The following PP2D1 variants were observed in gnomAD, a reference collection of about 807,000 sequenced individuals.
The protein encoded by PP2D1 is protein phosphatase 2C-like domain-containing protein 1.
Under a neutral mutation model 30.2 loss-of-function variants are expected in PP2D1, and 25 were observed. That is an observed-to-expected ratio of 0.83 (90% confidence interval 0.60 to 1.16). The LOEUF is 1.16. PP2D1 is among the 50% of genes most tolerant of loss of function. The pLI is 0.00. For synonymous variants in PP2D1, 260 were observed against 258.9 expected, an observed-to-expected ratio of 1.00 and a Z score of -0.04; for missense variants, 760 against 742.4, an observed-to-expected ratio of 1.02 and a Z score of -0.28.
Position 20,001,545 on chromosome 3 carries a change from A to G in PP2D1, c.575T>C (p.Val192Ala). Reference sequence around the variant, plus strand: ...ATTAGGTTTGTTACCAAAATTACTCACTACAGTGAATTTATCATTCATGTC... The same window carrying G: ...ATTAGGTTTGTTACCAAAATTACTCGCTACAGTGAATTTATCATTCATGTC... Reference protein sequence around the residue: ...KADMNDKFTVVSNFGNKPNVC... With the variant: ...KADMNDKFTVASNFGNKPNVC... The change falls in exon 2 of 3, where the codon GTG becomes GCG. Residue 192 changes from valine (V) to alanine (A), a missense_variant. By Grantham distance (64) the Val-to-Ala change is moderately conservative. Transcript: ENST00000389050. The G allele has an allele frequency of 6.5e-7, 1 of 1,536,222 alleles. No homozygotes were observed. Among genetic ancestry groups the G allele is most frequent in the Non-Finnish European group, 8.7e-7 (1 of 1,146,936 alleles).
At chr3:20,011,269 A>G (rs899344839) in intron 1 of PP2D1, among the ~76,000 whole-genome samples, 1 of 152,306 alleles carries the variant, frequency 6.6e-6, no homozygotes, top group East Asian at 1.9e-4. Flanking sequence ...ATATATAAAA[A>G]TATTTTAATT....
At chr3:19,990,448 C>A (rs564695324) in intron 2 of PP2D1, among the ~76,000 whole-genome samples, 1 of 152,316 alleles carries the variant, frequency 6.6e-6, no homozygotes, top group Non-Finnish European at 1.5e-5. Flanking sequence ...CTGCACCCAG[C>A]AGCACATTGT....
intron 2 of PP2D1, 112 bp from the exon 3 acceptor site, chr3:19,986,294 G>T: frequency 1.3e-6 from 1 of 753,268 alleles, no homozygotes; most frequent in Non-Finnish European, 2.0e-6. Flanking sequence ...ACAGAAAGCA[G>T]GCTATGTAAA....
intron 2 of PP2D1, among the ~76,000 whole-genome samples, chr3:19,994,464 C>G (rs1318973292): frequency 6.6e-6 from 1 of 152,176 alleles, no homozygotes; most frequent in Non-Finnish European, 1.5e-5. Context: ...CACCCCATCT[C>G]TGCAAAACAA....
At chr3:19,984,093 C>G (rs983596971), downstream of PP2D1, 1 of 415,704 alleles carries the variant, frequency 2.4e-6, no homozygotes, top group African/African-American at 2.1e-5. Context: ...TTTCTCATCA[C>G]TAGGAATATA....
intron 2 of PP2D1, among the ~76,000 whole-genome samples, chr3:19,999,129 G>T (rs1326455365): frequency 6.8e-6 from 1 of 146,422 alleles, no homozygotes; most frequent in Non-Finnish European, 1.5e-5. Context: ...TACCAGGCTG[G>T]AGTGCAGTGG....
downstream of PP2D1, among the ~76,000 whole-genome samples, chr3:19,983,166 G>A (rs770076075): frequency 3.3e-5 from 5 of 151,940 alleles, no homozygotes; most frequent in South Asian, 6.2e-4. Context: ...GTGAAACCCC[G>A]TCTCTACTAA....
chr3:19,985,570 GTTAC>G lies in PP2D1; in HGVS notation c.1699_1702del (p.Val567LeufsTer7). 1 of 1,536,064 alleles carries G rather than the reference GTTAC, an allele frequency of 6.5e-7. No individual in the cohort carries two copies. Among genetic ancestry groups the G allele is most frequent in the Non-Finnish European group, 8.7e-7 (1 of 1,146,868 alleles). On this transcript the variant is annotated frameshift_variant, in exon 3 of 3. Transcript: ENST00000389050. LOFTEE classifies it low-confidence loss of function (END_TRUNC). Reference sequence around the variant, plus strand: ...ATCATTTACACTAGTTGGTCTGTCAGTTACTTTTTCACTGCAAGGTTTACGATGA... The same window carrying G: ...ATCATTTACACTAGTTGGTCTGTCAGTTTTTCACTGCAAGGTTTACGATGA...
At chr3:20,009,176 A>C (rs1697357187) in intron 1 of PP2D1, among the ~76,000 whole-genome samples, 1 of 152,132 alleles carries the variant, frequency 6.6e-6, no homozygotes, top group Non-Finnish European at 1.5e-5. Flanking sequence ...GAGAAAATGA[A>C]CTTGGCCAGG....
At position 20,001,613 on chromosome 3, in the gene PP2D1, T is replaced by C. The variant is rs1697253995; in HGVS notation, c.507A>G (p.Lys169=). The change falls in exon 2 of 3, where the codon AAA becomes AAG. Residue 169 remains lysine (K), a synonymous_variant. Coordinates refer to ENST00000389050, the MANE Select transcript of PP2D1 (RefSeq NM_001252657.2). The part of the protein sequence containing the change: ...YSQKICHLLI[K]GVGICEDRNS... ...TCCTGTCTTCACAAATGCCCACTCC[T>C]TTAATTAACAGATGACATATTTTTT... 6.5e-7 allele frequency: 1 copy of C among 1,536,420 alleles called. No individual in the cohort carries two copies. Among genetic ancestry groups the C allele is most frequent in the Non-Finnish European group, 8.7e-7 (1 of 1,146,926 alleles).
chr3:20,008,380 C>A (rs1697347755), intron 1 of PP2D1: 1 of 152,430 alleles, frequency 6.6e-6, no homozygotes, highest in Non-Finnish European at 1.5e-5. Flanking sequence ...ACCAGCCTGA[C>A]CAACATGGTG....
At chr3:20,010,765 G>A (rs1375810019) in intron 1 of PP2D1, among the ~76,000 whole-genome samples, 2 of 152,026 alleles carry the variant, frequency 1.3e-5, no homozygotes, top group African/African-American at 2.4e-5. Flanking sequence ...TCATGCCATT[G>A]CACTCCAGCC....
At chr3:19,993,885 C>G (rs1697146656) in intron 2 of PP2D1, among the ~76,000 whole-genome samples, 1 of 151,896 alleles carries the variant, frequency 6.6e-6, no homozygotes, top group African/African-American at 2.4e-5. Context: ...ATTACAGGTG[C>G]CCACCCCCGG....
Position 19,985,886 on chromosome 3 carries a change from T to C in PP2D1, c.1387A>G (p.Lys463Glu). ...ATTGCCAGGGCAGTAACTTCCTCTT[T>C]ATCCAAAACTTCCCAAAGTCCATTA... ...ATNGLWEVLDKEEVTALAMTT... is the reference protein window; with the variant it reads ...ATNGLWEVLDEEEVTALAMTT... Residue 463 changes from lysine (K) to glutamate (E), a missense_variant, in exon 3 of 3, where the codon AAA becomes GAA. By Grantham distance (56) the Lys-to-Glu change is moderately conservative. This residue lies in a region of PP2D1 where 369 missense variants were observed against 316.2 expected (regional missense o/e 1.17). Transcript: ENST00000389050. 1 of 1,536,482 alleles carries C rather than the reference T, an allele frequency of 6.5e-7. No individual in the cohort carries two copies. Among genetic ancestry groups the C allele is most frequent in the Non-Finnish European group, 8.7e-7 (1 of 1,146,970 alleles).
At chr3:19,981,631 A>G (rs550281014), downstream of PP2D1, among the ~76,000 whole-genome samples, 25 of 152,122 alleles carry the variant, frequency 1.6e-4, no homozygotes, top group Admixed American at 1.3e-3. Flanking sequence ...AAAAAATCAT[A>G]AATCAAAAAC....
chr3:19,986,487 TACTC>T (rs776821375), intron 2 of PP2D1, among the ~76,000 whole-genome samples: 4 of 152,230 alleles, frequency 2.6e-5, no homozygotes, highest in East Asian at 1.9e-4. Context: ...GACTTAATAT[TACTC>T]ACATTGCAGA....
Position 19,985,690 on chromosome 3 carries a change from G to A in PP2D1, c.1583C>T (p.Thr528Ile), listed in dbSNP as rs1343682737. ...KSVSEVRVST[T>I]NSKENLSDSN... Reference sequence around the variant, plus strand: ...ATCGGATAAATTTTCTTTGGAATTTGTAGTTGACACACGTACTTCAGATAC... The same window carrying A: ...ATCGGATAAATTTTCTTTGGAATTTATAGTTGACACACGTACTTCAGATAC... Residue 528 changes from threonine (T) to isoleucine (I), a missense_variant, in exon 3 of 3, where the codon ACA becomes ATA. Physicochemically the swap from Thr to Ile is moderately conservative, Grantham distance 89 (BLOSUM62 -1). Transcript: ENST00000389050. 2.0e-6 allele frequency: 3 copies of A among 1,535,516 alleles called. No individual in the cohort carries two copies. Among genetic ancestry groups the A allele is most frequent in the African/African-American group, 1.4e-5 (1 of 73,014 alleles).
At chr3:20,011,262 T>C (rs1385528411) in intron 1 of PP2D1, among the ~76,000 whole-genome samples, 3 of 152,152 alleles carry the variant, frequency 2.0e-5, no homozygotes, top group Non-Finnish European at 4.4e-5. Flanking sequence ...GGCCAAAATA[T>C]ATAAAAATAT....
intron 2 of PP2D1, among the ~76,000 whole-genome samples, chr3:19,998,009 A>T (rs1203677447): frequency 1.3e-5 from 2 of 152,154 alleles, no homozygotes; most frequent in Non-Finnish European, 2.9e-5. Context: ...AGGCTGACCA[A>T]CATGTTGAAA....
Sources: allele counts gnomAD v4.1 joint callset (sites outside exome capture counted in the v4.1 genomes callset), GRCh38; gene constraint gnomAD v4.1.1; regional missense constraint gnomAD v4.1.1; transcripts MANE v1.5; gene names NCBI Gene and HGNC (gene_info 2026-07-23, HGNC 2026-07-21).